CPNE3: variants seen among roughly 807,000 people sequenced by gnomAD.
The protein encoded by CPNE3 is copine-3.
CPNE3 carries 68 observed loss-of-function variants against 63.9 expected under a neutral mutation model. That is an observed-to-expected ratio of 1.06 (90% CI 0.87 to 1.30). CPNE3 has a LOEUF of 1.30. CPNE3 is among the 50% of genes most tolerant of loss of function. The pLI, the probability that CPNE3 is intolerant of heterozygous loss-of-function variation, is 0.00. For synonymous variants in CPNE3, 219 were observed against 197.5 expected (o/e 1.11, Z -0.91); for missense variants, 665 against 578.1 (o/e 1.15, Z -1.54).
At chr8:86,553,097 C>G (rs865904551) in intron 14 of CPNE3, among the ~76,000 whole-genome samples, 2 of 150,996 alleles carry the variant, frequency 1.3e-5, no homozygotes, top group South Asian at 4.2e-4. Context: ...CTGCTGACCT[C>G]TTGTGATCTA....
intron 14 of CPNE3, 131 bp from the exon 15 acceptor site, chr8:86,554,720 C>T: frequency 9.4e-7 from 1 of 1,063,772 alleles, no homozygotes. Flanking sequence ...AGAGGAACTA[C>T]TGCTTATAGA....
intron 4 of CPNE3, 55 bp from the exon 5 acceptor site, chr8:86,531,100 T>G: frequency 2.4e-6 from 2 of 835,034 alleles, no homozygotes; most frequent in Non-Finnish European, 4.2e-6. Context: ...CTATTTCATT[T>G]AAAAATTCTT....
At chr8:86,540,365 T>C (rs1227292311) in intron 8 of CPNE3, 31 bp downstream of exon 8, 1 of 1,056,424 alleles carries the variant, frequency 9.5e-7, no homozygotes, top group Non-Finnish European at 1.3e-6. Context: ...TATAAAATAC[T>C]TAAATATACC....
At position 86,532,525 on chromosome 8, in the gene CPNE3, T is replaced by C. The variant is rs2131450369; in HGVS notation, c.404T>C (p.Ile135Thr). The C allele has an allele frequency of 1.2e-6, 2 of 1,611,996 alleles. No individual in the cohort carries two copies. Among genetic ancestry groups the C allele is most frequent in the Non-Finnish European group, 1.7e-6 (2 of 1,179,156 alleles). ...TACTCATAGATTTCAGCTGAAGAAATAAAAGATAATAGAGTGGTCTTGTTT... is the reference window on the plus strand; with the variant it reads ...TACTCATAGATTTCAGCTGAAGAAACAAAAGATAATAGAGTGGTCTTGTTT... Reference protein sequence around the residue: ...KGSITISAEEIKDNRVVLFEM... With the variant: ...KGSITISAEETKDNRVVLFEM... Residue 135 changes from isoleucine (I) to threonine (T), a missense_variant, in exon 6 of 17, where the codon ATA (isoleucine) becomes ACA (threonine). Transcript: ENST00000517490.
intron 2 of CPNE3, among the ~76,000 whole-genome samples, chr8:86,526,466 A>G (rs1040022254): frequency 2.0e-5 from 3 of 152,046 alleles, no homozygotes; most frequent in Non-Finnish European, 4.4e-5. Flanking sequence ...CACTTACTGT[A>G]TACTAGGCAC....
intron 16 of CPNE3, among the ~76,000 whole-genome samples, chr8:86,557,030 C>T (rs892936172): frequency 3.9e-5 from 6 of 152,146 alleles, no homozygotes; most frequent in African/African-American, 1.4e-4. Context: ...TATGGATGCA[C>T]CACCATTTGT....
At chr8:86,544,123 T>C (rs894061317) in intron 8 of CPNE3, among the ~76,000 whole-genome samples, 1 of 152,092 alleles carries the variant, frequency 6.6e-6, no homozygotes, top group Admixed American at 6.6e-5. Context: ...CCGGTGTGGA[T>C]ACTTCCTCAG....
rs1009239319 is a variant in CPNE3, at chr8:86,535,830, A to G, written c.460-1733A>G. ...ATATTATTAACAGTATTTTTACTGAAAAGTTTGAGCTTTCTTTGAAGTTCT... is the reference window on the plus strand; with the variant it reads ...ATATTATTAACAGTATTTTTACTGAGAAGTTTGAGCTTTCTTTGAAGTTCT... On this transcript the variant is annotated intron_variant, in intron 6 of 16. Transcript: ENST00000517490. 5.9e-5 allele frequency among the ~76,000 whole-genome samples: 9 copies of G among 152,118 alleles called. No individual in the cohort carries two copies. In the South Asian group the frequency reaches 1.2e-3, roughly 21 times the overall value.
chr8:86,541,293 G>C (rs978898401), intron 8 of CPNE3, among the ~76,000 whole-genome samples: 1 of 152,088 alleles, frequency 6.6e-6, no homozygotes, highest in Non-Finnish European at 1.5e-5. Flanking sequence ...GCTTCACCTG[G>C]ATTCTTCACT....
rs538339068 is a variant in CPNE3 at position 86,522,926 on chromosome 8, C to T, written c.-10-5610C>T. On this transcript the variant is annotated intron_variant, in intron 2 of 16. Coordinates refer to ENST00000517490, the MANE Select transcript of CPNE3 (RefSeq NM_003909.5). ...CATGAGCCTGCGCTCCCCTCACCTG[C>T]GTACCTTATCTATACTCAAGGCTGA... Among the ~76,000 whole-genome samples, 15 of 152,276 alleles carry T rather than the reference C, an allele frequency of 9.9e-5. No individual in the cohort carries two copies. The South Asian group carries it at 2.9e-3, about 29-fold the overall frequency.
chr8:86,527,405 A>G (rs1820563828), intron 2 of CPNE3, among the ~76,000 whole-genome samples: 1 of 152,170 alleles, frequency 6.6e-6, no homozygotes, highest in Non-Finnish European at 1.5e-5. Flanking sequence ...AGCCCCTATC[A>G]TATGCTCCAT....
intron 2 of CPNE3, among the ~76,000 whole-genome samples, chr8:86,524,558 G>A (rs1286905208): frequency 6.6e-6 from 1 of 151,964 alleles, no homozygotes; most frequent in East Asian, 1.9e-4. Context: ...GCTCTTTAAG[G>A]AGTAAAATAC....
At chr8:86,531,883 T>G (rs1820691131) in intron 5 of CPNE3, among the ~76,000 whole-genome samples, 1 of 152,196 alleles carries the variant, frequency 6.6e-6, no homozygotes, top group African/African-American at 2.4e-5. Context: ...TCTGAGAATG[T>G]AAGGCTAGTT....
rs954360918 is a variant in CPNE3, at chr8:86,560,987, A to G, written c.*2577A>G. The G allele has an allele frequency of 3.9e-5, 6 of 152,226 alleles. No individual in the cohort carries two copies. Among genetic ancestry groups the G allele is most frequent in the Non-Finnish European group, 4.4e-5 (3 of 68,034 alleles). 9.4% of individuals were successfully genotyped at this position (152,226 alleles called of 1,614,324 possible). A position where few individuals can be genotyped will look rare whatever the true frequency, so the allele number is the denominator to read the frequency against. On this transcript the variant is annotated 3_prime_UTR_variant, in exon 17 of 17. Transcript: ENST00000517490. ...CAGATGCTGGCACAGAGGAAATAAT[A>G]TACCAGCTAATCTAGTCACCTAACC...
intron 2 of CPNE3, among the ~76,000 whole-genome samples, chr8:86,526,626 C>T (rs1361400443): frequency 6.6e-6 from 1 of 152,062 alleles, no homozygotes; most frequent in East Asian, 1.9e-4. Context: ...GATCCTCCTA[C>T]CTCAGACTCC....
chr8:86,551,563 T>C, intron 14 of CPNE3: 1 of 181,846 alleles, frequency 5.5e-6, no homozygotes, highest in Non-Finnish European at 1.1e-5. Context: ...ATATTAAAAG[T>C]ATTTTTACAT....
rs866005544 is a variant in CPNE3, at chr8:86,529,097, A to AG, written c.289dup (p.Glu97GlyfsTer3). ...TTGAGCTGAGTGATGATGACTTCTTAGGGGAATGTGAATGTACCCTTGGAC... is the reference window on the plus strand; with the variant it reads ...TTGAGCTGAGTGATGATGACTTCTTAGGGGGAATGTGAATGTACCCTTGGAC... On this transcript the variant is annotated frameshift_variant, in exon 4 of 17. Transcript: ENST00000517490. LOFTEE classifies it high-confidence loss of function. 1 of 1,613,838 alleles carries AG rather than the reference A, an allele frequency of 6.2e-7. No homozygotes were observed. Among genetic ancestry groups the AG allele is most frequent in the African/African-American group, 1.3e-5 (1 of 74,918 alleles).
At chr8:86,535,840 C>A (rs541236223) in intron 6 of CPNE3, among the ~76,000 whole-genome samples, 2 of 152,102 alleles carry the variant, frequency 1.3e-5, no homozygotes, top group African/African-American at 4.8e-5. Flanking sequence ...AAAGTTTGAG[C>A]TTTCTTTGAA....
chr8:86,534,082 C>T (rs1012849288), intron 6 of CPNE3, among the ~76,000 whole-genome samples: 1 of 151,848 alleles, frequency 6.6e-6, no homozygotes, highest in African/African-American at 2.4e-5. Flanking sequence ...ATTATAATTA[C>T]AAGACTCCAT....
Sources: allele counts gnomAD v4.1 joint callset (sites outside exome capture counted in the v4.1 genomes callset), GRCh38; gene constraint gnomAD v4.1.1; transcripts MANE v1.5; gene names NCBI Gene and HGNC (gene_info 2026-07-23, HGNC 2026-07-21).